MGAT5: variants seen among roughly 807,000 people sequenced by gnomAD.
MGAT5 encodes alpha-1,6-mannosylglycoprotein 6-beta-N-acetylglucosaminyltransferase A.
In MGAT5, 30 loss-of-function variants were observed where a neutral mutation model predicts 94.3. The ratio of observed to expected loss-of-function variants is 0.32; its 90% CI spans 0.24 to 0.43. The LOEUF (loss-of-function observed/expected upper bound fraction) is 0.43. Among genes scored for constraint, MGAT5 ranks in the 20% least tolerant of loss-of-function variants. The pLI is 1.00. For missense variants in MGAT5, 691 were observed against 905.5 expected (o/e 0.76, Z 3.04); for synonymous variants, 310 against 322.9 (o/e 0.96, Z 0.43).
At chr2:134,259,091 C>G (rs147048361) in intron 1 of MGAT5, among the ~76,000 whole-genome samples, 1 of 152,228 alleles carries the variant, frequency 6.6e-6, no homozygotes, top group Non-Finnish European at 1.5e-5. Flanking sequence ...TCAGAACTCC[C>G]GGGCAGCCCG....
chr2:134,427,310 G>A (rs1305841674), intron 13 of MGAT5, among the ~76,000 whole-genome samples: 2 of 152,128 alleles, frequency 1.3e-5, no homozygotes, highest in African/African-American at 2.4e-5. Flanking sequence ...TATTGCTGGT[G>A]ATTTTCTCTC....
intron 1 of MGAT5, among the ~76,000 whole-genome samples, chr2:134,207,723 T>C (rs925042035): frequency 3.3e-5 from 5 of 152,182 alleles, no homozygotes; most frequent in East Asian, 3.8e-4. Flanking sequence ...AGAGGTGTTA[T>C]TGAGATCAGA....
At chr2:134,369,071 T>G (rs554653808) in intron 10 of MGAT5, among the ~76,000 whole-genome samples, 1 of 152,358 alleles carries the variant, frequency 6.6e-6, no homozygotes, top group South Asian at 2.1e-4. Flanking sequence ...CTATATGCTC[T>G]GTGAGAGTAG....
intron 12 of MGAT5, among the ~76,000 whole-genome samples, chr2:134,418,120 A>G (rs1684081592): frequency 6.6e-6 from 1 of 152,200 alleles, no homozygotes; most frequent in Non-Finnish European, 1.5e-5. Flanking sequence ...ACTCTTAAAC[A>G]CAATCTGAAC....
chr2:134,285,613 T>G (rs1431421608), intron 2 of MGAT5, among the ~76,000 whole-genome samples: 1 of 152,216 alleles, frequency 6.6e-6, no homozygotes, highest in African/African-American at 2.4e-5. Context: ...CAGTCTGTCT[T>G]CTGCTATATA....
intron 1 of MGAT5, among the ~76,000 whole-genome samples, chr2:134,202,640 G>T (rs1005115931): frequency 2.0e-5 from 3 of 152,272 alleles, no homozygotes; most frequent in African/African-American, 7.2e-5. Flanking sequence ...ACTTTGTGGG[G>T]ATGGGTGGGG....
intron 1 of MGAT5, among the ~76,000 whole-genome samples, chr2:134,169,425 C>CACACACACAG (rs1688104295): frequency 6.6e-6 from 1 of 151,498 alleles, no homozygotes; most frequent in African/African-American, 2.4e-5. Flanking sequence ...CACACACACA[C>CACACACACAG]ACACACACAC....
intron 1 of MGAT5, among the ~76,000 whole-genome samples, chr2:134,266,046 C>A (rs1683691512): frequency 6.6e-6 from 1 of 151,440 alleles, no homozygotes; most frequent in African/African-American, 2.4e-5. Context: ...CACCTGTAAT[C>A]CCAGCTACTC....
intron 15 of MGAT5, among the ~76,000 whole-genome samples, chr2:134,447,603 T>C (rs1292442945): frequency 1.3e-5 from 2 of 152,210 alleles, no homozygotes; most frequent in Admixed American, 6.5e-5. Flanking sequence ...TTCTCTGATA[T>C]CAGATACAGC....
At chr2:134,201,862 T>C (rs1679805381) in intron 1 of MGAT5, among the ~76,000 whole-genome samples, 1 of 133,560 alleles carries the variant, frequency 7.5e-6, no homozygotes, top group Admixed American at 7.8e-5. Flanking sequence ...GGAGTGACTA[T>C]CCCTCCAAAA....
At chr2:134,376,044 C>G (rs1247305260) in intron 10 of MGAT5, among the ~76,000 whole-genome samples, 2 of 152,122 alleles carry the variant, frequency 1.3e-5, no homozygotes, top group Non-Finnish European at 2.9e-5. Flanking sequence ...TTGATCCAGA[C>G]CAGTTAGTGA....
At chr2:134,311,753 CTT>C (rs138083067) in intron 2 of MGAT5, among the ~76,000 whole-genome samples, 5,745 of 152,200 alleles carry the variant, frequency 0.038, 259 homozygotes, top group East Asian at 0.12. Flanking sequence ...TTATTAAAAA[CTT>C]TGTTTGTAGT....
intron 10 of MGAT5, among the ~76,000 whole-genome samples, chr2:134,370,923 T>C (rs1020552733): frequency 6.6e-6 from 1 of 152,182 alleles, no homozygotes; most frequent in Non-Finnish European, 1.5e-5. Context: ...AGCGTGTCAG[T>C]GTTTGCTAAG....
intron 1 of MGAT5, among the ~76,000 whole-genome samples, chr2:134,179,451 CG>C (rs1283346611): frequency 6.6e-6 from 1 of 152,114 alleles, no homozygotes; most frequent in Non-Finnish European, 1.5e-5. Context: ...CAGGGGCTCG[CG>C]GGTACCCAAC....
intron 1 of MGAT5, among the ~76,000 whole-genome samples, chr2:134,123,009 A>G (rs1685687180): frequency 1.3e-5 from 2 of 152,218 alleles, no homozygotes; most frequent in Admixed American, 6.5e-5. Context: ...CCACATCTGT[A>G]TACATTCTTA....
intron 4 of MGAT5, among the ~76,000 whole-genome samples, chr2:134,334,573 A>G (rs932618014): frequency 7.8e-6 from 1 of 128,500 alleles, no homozygotes; most frequent in Non-Finnish European, 1.5e-5. Context: ...TCAAGTCTAC[A>G]ATCCATTTGA....
chr2:134,155,007 C>T (rs912706534), intron 1 of MGAT5, among the ~76,000 whole-genome samples: 7 of 152,124 alleles, frequency 4.6e-5, no homozygotes, highest in African/African-American at 1.2e-4. Context: ...GCTCAGTGAC[C>T]GCCCTGTGTT....
intron 1 of MGAT5, among the ~76,000 whole-genome samples, chr2:134,204,808 A>G (rs9646694): frequency 0.093 from 14,216 of 152,244 alleles, 903 homozygotes; most frequent in East Asian, 0.31. Context: ...CAGTGAGCAT[A>G]TAGTTTGCTG....
Position 134,162,185 on chromosome 2 carries a change from A to G in MGAT5, c.-143+41894A>G, listed in dbSNP as rs185500744. Among the ~76,000 whole-genome samples the G allele has an allele frequency of 2.0e-5, 3 of 151,986 alleles. No homozygotes were observed. In the East Asian group the frequency reaches 5.8e-4, roughly 29 times the overall value. ...AGCCTGGGTGACAGAGCAGGACTCC[A>G]TGTCAAAAAAAAACAAAAACAAAAT... is the stretch of plus-strand genomic sequence containing the variant. On this transcript the variant is annotated intron_variant, in intron 1 of 16. Coordinates refer to the MGAT5 transcript ENST00000409645.
Sources: gnomAD v4.1 joint callset for allele counts (sites outside exome capture counted in the v4.1 genomes callset) on GRCh38, gnomAD v4.1.1 for gene constraint, MANE v1.5 for transcripts, NCBI Gene and HGNC (gene_info 2026-07-23, HGNC 2026-07-21) for gene names.